The following FHIP1A variants were observed in gnomAD, a reference collection of about 807,000 sequenced individuals.
The protein encoded by FHIP1A is FHF complex subunit HOOK interacting protein 1A, also known as FHF complex subunit HOOK-interacting protein 1A.
A neutral mutation model predicts 88.6 loss-of-function variants in FHIP1A; 61 were observed. The ratio of observed to expected loss-of-function variants is 0.69; its 90% CI spans 0.56 to 0.85. The LOEUF (loss-of-function observed/expected upper bound fraction) is 0.85. FHIP1A is among the 40% of genes least tolerant of loss of function. The pLI is 0.00. For synonymous variants in FHIP1A, 478 were observed against 496.0 expected (o/e 0.96, Z 0.48); for missense variants, 1,154 against 1,273.5 (o/e 0.91, Z 1.43).
At chr4:151,572,975 C>T (rs1331606543) in intron 4 of FHIP1A, among the ~76,000 whole-genome samples, 1 of 152,026 alleles carries the variant, frequency 6.6e-6, no homozygotes, top group African/African-American at 2.4e-5. Context: ...AATTTGTGGC[C>T]ATTTGAAATT....
chr4:151,500,749 A>G (rs1458862431), intron 3 of FHIP1A, among the ~76,000 whole-genome samples: 2 of 152,220 alleles, frequency 1.3e-5, no homozygotes, highest in African/African-American at 4.8e-5. Flanking sequence ...AGATCATTCC[A>G]GGAAACATGT....
intron 4 of FHIP1A, among the ~76,000 whole-genome samples, chr4:151,575,758 T>C (rs1172513575): frequency 6.6e-6 from 1 of 152,202 alleles, no homozygotes; most frequent in Non-Finnish European, 1.5e-5. Context: ...AACGATTTTT[T>C]TCCCTGTTTC....
At chr4:151,521,851 A>C (rs2126696111) in intron 3 of FHIP1A, among the ~76,000 whole-genome samples, 1 of 152,172 alleles carries the variant, frequency 6.6e-6, no homozygotes, top group African/African-American at 2.4e-5. Flanking sequence ...CACCCTCCCA[A>C]GTAGCTGGGA....
At chr4:151,414,200 G>A (rs770504861) in intron 1 of FHIP1A, among the ~76,000 whole-genome samples, 1 of 151,832 alleles carries the variant, frequency 6.6e-6, no homozygotes. Context: ...ACAGGCATGC[G>A]CCACCATGCC....
intron 7 of FHIP1A, among the ~76,000 whole-genome samples, chr4:151,609,302 G>A (rs1735204931): frequency 6.6e-6 from 1 of 152,128 alleles, no homozygotes; most frequent in Admixed American, 6.6e-5. Flanking sequence ...GATGTGATGG[G>A]AAGATTTTCT....
At chr4:151,484,292 G>A (rs187152505) in intron 3 of FHIP1A, among the ~76,000 whole-genome samples, 16 of 152,274 alleles carry the variant, frequency 1.1e-4, no homozygotes, top group Admixed American at 2.6e-4. Context: ...TTGCCTCTTA[G>A]CTCTAGAAAG....
intron 4 of FHIP1A, among the ~76,000 whole-genome samples, chr4:151,568,665 A>C (rs762706840): frequency 2.0e-5 from 3 of 152,210 alleles, no homozygotes; most frequent in Non-Finnish European, 2.9e-5. Flanking sequence ...AATTCAGATG[A>C]CAATGCAAGA....
At chr4:151,527,150 C>T (rs1731701612) in intron 3 of FHIP1A, among the ~76,000 whole-genome samples, 1 of 152,204 alleles carries the variant, frequency 6.6e-6, no homozygotes, top group Non-Finnish European at 1.5e-5. Flanking sequence ...GCAATCTCGG[C>T]ACCCTGGGAG....
intron 3 of FHIP1A, among the ~76,000 whole-genome samples, chr4:151,531,887 T>C (rs1472760988): frequency 6.6e-6 from 1 of 151,838 alleles, no homozygotes; most frequent in African/African-American, 2.4e-5. Context: ...CAAAAAGAAG[T>C]ATATGAAGAA....
chr4:151,601,596 A>C (rs1454323285), intron 7 of FHIP1A, among the ~76,000 whole-genome samples: 1 of 149,764 alleles, frequency 6.7e-6, no homozygotes, highest in Non-Finnish European at 1.5e-5. Flanking sequence ...TGCTAACAAC[A>C]TACTAGATAT....
intron 4 of FHIP1A, among the ~76,000 whole-genome samples, chr4:151,568,899 A>G (rs1323208527): frequency 3.9e-5 from 6 of 152,186 alleles, no homozygotes; most frequent in African/African-American, 1.4e-4. Flanking sequence ...AAAGAGGGGA[A>G]GGCAAAAAAA....
chr4:151,434,958 A>G (rs1733744560), intron 1 of FHIP1A, among the ~76,000 whole-genome samples: 1 of 152,152 alleles, frequency 6.6e-6, no homozygotes, highest in Non-Finnish European at 1.5e-5. Context: ...GGACTCCTTT[A>G]TGACACACAT....
chr4:151,511,366 C>T (rs945907674), intron 3 of FHIP1A, among the ~76,000 whole-genome samples: 11 of 152,200 alleles, frequency 7.2e-5, no homozygotes, highest in Admixed American at 2.0e-4. Flanking sequence ...ACGCAGAAGA[C>T]GGGCGATTTC....
chr4:151,517,277 G>T (rs548081228), intron 3 of FHIP1A, among the ~76,000 whole-genome samples: 2 of 150,832 alleles, frequency 1.3e-5, no homozygotes, highest in Non-Finnish European at 2.9e-5. Flanking sequence ...ACAGGAAGGG[G>T]AACATCACAT....
rs116888357 is a variant in FHIP1A at position 151,498,383 on chromosome 4, G to A, written c.-123+15735G>A. Among the ~76,000 whole-genome samples the A allele has an allele frequency of 9.2e-5, 14 of 152,232 alleles. No homozygotes were observed. In the East Asian group the frequency reaches 2.1e-3, roughly 23 times the overall value. ...ACTGACCAACACAAACATGTAATAG[G>A]GAACAGTTGTCTTAAGGCCTTGGAA... On this transcript the variant is annotated intron_variant, in intron 3 of 13. Transcript: ENST00000435205.
At chr4:151,543,627 C>T (rs1321713867) in intron 3 of FHIP1A, among the ~76,000 whole-genome samples, 1 of 152,170 alleles carries the variant, frequency 6.6e-6, no homozygotes, top group African/African-American at 2.4e-5. Flanking sequence ...ATTATACGTA[C>T]ACACATTATA....
At chr4:151,480,854 C>T (rs1340944918) in intron 2 of FHIP1A, among the ~76,000 whole-genome samples, 5 of 151,428 alleles carry the variant, frequency 3.3e-5, no homozygotes, top group Non-Finnish European at 5.9e-5. Flanking sequence ...TTTCTTTTCA[C>T]GAATATTTGT....
At chr4:151,571,068 A>G (rs1171681542) in intron 4 of FHIP1A, among the ~76,000 whole-genome samples, 1 of 152,052 alleles carries the variant, frequency 6.6e-6, no homozygotes, top group East Asian at 1.9e-4. Context: ...ATTCAACTAG[A>G]CTGCCATGTG....
chr4:151,621,075 A>G (rs1735724894), intron 7 of FHIP1A, among the ~76,000 whole-genome samples: 1 of 152,212 alleles, frequency 6.6e-6, no homozygotes, highest in South Asian at 2.1e-4. Context: ...TTCTTCAAGT[A>G]AGAAAACCAA....
Sources: allele counts gnomAD v4.1 joint callset (sites outside exome capture counted in the v4.1 genomes callset), GRCh38; gene constraint gnomAD v4.1.1; transcripts MANE v1.5; gene names NCBI Gene and HGNC (gene_info 2026-07-23, HGNC 2026-07-21).